Variants in LRRC42 observed in about 807,000 individuals in gnomAD.
LRRC42 encodes leucine-rich repeat-containing protein 42.
A neutral mutation model predicts 44.3 loss-of-function variants in LRRC42; 43 were observed. The observed-to-expected ratio is 0.97, with a 90% CI of 0.76 to 1.25. LRRC42 has a LOEUF of 1.25. Among genes scored for constraint, LRRC42 ranks in the 50% most tolerant of loss-of-function variants. The pLI is 0.00. For missense variants in LRRC42, 540 were observed against 509.1 expected (o/e 1.06, Z -0.58); for synonymous variants, 207 against 195.2 (o/e 1.06, Z -0.50).
chr1:53,955,292 T>C (rs748114842), intron 3 of LRRC42, among the ~76,000 whole-genome samples: 1 of 152,140 alleles, frequency 6.6e-6, no homozygotes, highest in Non-Finnish European at 1.5e-5. Context: ...TCAGAAAATA[T>C]AGGAAACTTT....
rs746887647 is a variant in LRRC42 at position 53,952,255 on chromosome 1, G to A, written c.256G>A (p.Ala86Thr). ...CCGAGAGGGGAATCTTCGGTACTCC[G>A]CCAAATCCCTCTTCAGCCTTGTCCT... ...YTREGNLRYSAKSLFSLVLGF... is the reference protein window; with the variant it reads ...YTREGNLRYSTKSLFSLVLGF... The change falls in exon 3 of 9, where the codon GCC (alanine) becomes ACC (threonine). Residue 86 changes from alanine to threonine, a missense_variant. By Grantham distance (58) the Ala-to-Thr change is moderately conservative. Transcript: ENST00000371370. 40 of 1,614,052 alleles carry A rather than the reference G, an allele frequency of 2.5e-5. 1 individual carries two copies. The South Asian group carries it at 3.6e-4, about 15-fold the overall frequency.
At chr1:53,946,950 G>C (rs369413343) in intron 1 of LRRC42, among the ~76,000 whole-genome samples, 91 of 151,676 alleles carry the variant, frequency 6.0e-4, no homozygotes, top group African/African-American at 2.0e-3. Context: ...AAAGTTGGGG[G>C]TGTGGAATGC....
At position 53,967,680 on chromosome 1, in the gene LRRC42, G is replaced by A. The variant is rs35123335; in HGVS notation, c.1028G>A (p.Arg343Gln). 3 of 1,613,786 alleles carry A rather than the reference G, an allele frequency of 1.9e-6. No homozygotes were observed. Among genetic ancestry groups the A allele is most frequent in the African/African-American group, 1.3e-5 (1 of 74,848 alleles). The change falls in exon 9 of 9, where the codon CGA becomes CAA. Residue 343 changes from arginine to glutamine, a missense_variant. Transcript: ENST00000371370. ...AAQRFYGKRS[R>Q]AEAPLKCPLA... is the part of the protein sequence containing the mutation. ...TCTGTCACAGATGGGAAGCGGTCTC[G>A]AGCAGAAGCCCCACTGAAGTGTCCC...
At chr1:53,965,416 T>C (rs1434792814) in intron 7 of LRRC42, among the ~76,000 whole-genome samples, 1 of 152,160 alleles carries the variant, frequency 6.6e-6, no homozygotes, top group African/African-American at 2.4e-5. Flanking sequence ...TTATTCATGG[T>C]ATATTGAAAT....
intron 7 of LRRC42, among the ~76,000 whole-genome samples, chr1:53,963,192 A>G (rs1325117073): frequency 2.0e-5 from 3 of 152,182 alleles, no homozygotes; most frequent in African/African-American, 7.2e-5. Flanking sequence ...GCTGGATTGT[A>G]GCGTCACCTC....
chr1:53,964,725 T>C, intron 7 of LRRC42, among the ~76,000 whole-genome samples: 1 of 152,220 alleles, frequency 6.6e-6, no homozygotes, highest in Non-Finnish European at 1.5e-5. Context: ...TCTCATTTAA[T>C]CCTTAAAACA....
intron 2 of LRRC42, among the ~76,000 whole-genome samples, chr1:53,949,941 C>G (rs570760900): frequency 1.3e-5 from 2 of 152,328 alleles, no homozygotes; most frequent in East Asian, 3.9e-4. Flanking sequence ...CTTACCCTTC[C>G]TTTCATACAG....
intron 1 of LRRC42, among the ~76,000 whole-genome samples, chr1:53,947,393 C>G (rs1014254289): frequency 2.6e-4 from 40 of 151,618 alleles, no homozygotes; most frequent in Admixed American, 2.5e-3. Flanking sequence ...GGTGAGAAGG[C>G]AGGTAGGAAA....
At chr1:53,950,794 G>A (rs1310305915) in intron 2 of LRRC42, among the ~76,000 whole-genome samples, 1 of 152,178 alleles carries the variant, frequency 6.6e-6, no homozygotes, top group African/African-American at 2.4e-5. Flanking sequence ...CCACATGACT[G>A]CAGAAATGCC....
chr1:53,947,274 A>C (rs1569814847), intron 1 of LRRC42, among the ~76,000 whole-genome samples: 1 of 151,640 alleles, frequency 6.6e-6, no homozygotes, highest in Admixed American at 6.6e-5. Context: ...GGGCGAAGGG[A>C]GTGGGGTTAG....
At chr1:53,958,914 T>A (rs1041110939) in intron 4 of LRRC42, among the ~76,000 whole-genome samples, 1 of 152,092 alleles carries the variant, frequency 6.6e-6, no homozygotes, top group African/African-American at 2.4e-5. Context: ...AGACGGAGTC[T>A]TGCTCTTGTT....
chr1:53,958,978 A>G (rs1654924031), intron 4 of LRRC42, among the ~76,000 whole-genome samples: 1 of 152,090 alleles, frequency 6.6e-6, no homozygotes, highest in Admixed American at 6.5e-5. Context: ...CTCCACCTCC[A>G]GGTTCAAGCT....
At position 53,962,061 on chromosome 1, in the gene LRRC42, T is replaced by C. The variant is rs1655008211; in HGVS notation, c.752T>C (p.Ile251Thr). The C allele has an allele frequency of 6.2e-7, 1 of 1,613,950 alleles. No individual in the cohort carries two copies. The highest frequency in any genetic ancestry group is 8.5e-7 in the Non-Finnish European group (1 of 1,179,836). ...AACCCTGAGATCACAGATGCAGGCA[T>C]TGGATACCTCTTTTCTTTTAGGAAA... is the stretch of plus-strand genomic sequence containing the variant. ...SCNPEITDAG[I>T]GYLFSFRKLN... Residue 251 changes from isoleucine (I) to threonine (T), a missense_variant, in exon 6 of 9, where the codon ATT (isoleucine) becomes ACT (threonine). Physicochemically the swap from Ile to Thr is moderately conservative, Grantham distance 89. Transcript: ENST00000371370.
Position 53,952,430 on chromosome 1 carries a change from C to G in LRRC42, c.431C>G (p.Ala144Gly). The G allele has an allele frequency of 6.2e-7, 1 of 1,604,976 alleles. No individual in the cohort carries two copies. The highest frequency in any genetic ancestry group is 1.1e-5 in the South Asian group (1 of 90,882). Residue 144 changes from alanine to glycine, a missense_variant, in exon 3 of 9, where the codon GCC becomes GGC. By Grantham distance (60) the Ala-to-Gly change is moderately conservative. Coordinates refer to ENST00000371370, the MANE Select transcript of LRRC42 (RefSeq NM_001256409.2). Reference sequence around the variant, plus strand: ...AGGGCTTTACAGAAATTCACTGAGGCCTATGGAAGTTTGGTGCTTTGCTCC... The same window carrying G: ...AGGGCTTTACAGAAATTCACTGAGGGCTATGGAAGTTTGGTGCTTTGCTCC... ...GLRALQKFTE[A>G]YGSLVLCSLC...
chr1:53,958,126 T>C (rs1654891806), intron 3 of LRRC42, 23 bp from the exon 4 acceptor site: 1 of 1,612,624 alleles, frequency 6.2e-7, no homozygotes, highest in South Asian at 1.1e-5. Flanking sequence ...GGGAAGCTAT[T>C]GATTGCTCTC....
At position 53,962,011 on chromosome 1, in the gene LRRC42, G is replaced by A. The variant is rs961899753; in HGVS notation, c.725-23G>A. On this transcript the variant is annotated intron_variant, in intron 5 of 8. Transcript: ENST00000371370. ...AACAGCATTTATATTGTGACAGAATGCTACGTTGTTTTTGACATCTAGGTA... is the reference window on the plus strand; with the variant it reads ...AACAGCATTTATATTGTGACAGAATACTACGTTGTTTTTGACATCTAGGTA... The A allele has an allele frequency of 2.6e-6, 4 of 1,532,532 alleles. No homozygotes were observed. The African/African-American group carries it at 5.5e-5, about 21-fold the overall frequency. 94.9% of individuals were successfully genotyped at this position (1,532,532 alleles called of 1,614,324 possible).
chr1:53,949,343 G>T (rs1017729676), intron 2 of LRRC42, among the ~76,000 whole-genome samples: 1 of 152,156 alleles, frequency 6.6e-6, no homozygotes, highest in Non-Finnish European at 1.5e-5. Context: ...GAGGGTTGGG[G>T]GCAATACAGA....
At chr1:53,965,012 T>G (rs926884028) in intron 7 of LRRC42, among the ~76,000 whole-genome samples, 5 of 122,440 alleles carry the variant, frequency 4.1e-5, no homozygotes, top group African/African-American at 1.5e-4. Flanking sequence ...TTTTTTGTTT[T>G]TTTTTTTTTT....
At chr1:53,959,919 CTTTTTTT>C (rs767888306) in intron 4 of LRRC42, among the ~76,000 whole-genome samples, 7 of 136,636 alleles carry the variant, frequency 5.1e-5, no homozygotes, top group Non-Finnish European at 9.6e-5. Context: ...ACCAAAAAAT[CTTTTTTT>C]TTTTTTTTTT....
Sources: allele counts gnomAD v4.1 joint callset (sites outside exome capture counted in the v4.1 genomes callset), GRCh38; gene constraint gnomAD v4.1.1; transcripts MANE v1.5; gene names NCBI Gene and HGNC (gene_info 2026-07-23, HGNC 2026-07-21).